Variants in MAP2 observed in about 807,000 individuals in gnomAD.
MAP2 encodes the protein microtubule-associated protein 2.
MAP2 carries 14 observed loss-of-function variants against 137.6 expected under a neutral mutation model. The ratio of observed to expected loss-of-function variants is 0.10; its 90% CI spans 0.07 to 0.16. The LOEUF is 0.16. Ranked by LOEUF, MAP2 falls within the 10% of genes least tolerant of loss-of-function variation. The pLI, the probability that MAP2 is intolerant of heterozygous loss-of-function variation, is 1.00. For missense variants in MAP2, 2,088 were observed against 2,191.5 expected, an observed-to-expected ratio of 0.95 and a Z score of 0.94; for synonymous variants, 786 against 782.3, an observed-to-expected ratio of 1.00 and a Z score of -0.08.
intron 1 of MAP2, among the ~76,000 whole-genome samples, chr2:209,483,029 G>A (rs1431722186): frequency 2.6e-5 from 4 of 152,124 alleles, no homozygotes; most frequent in South Asian, 4.2e-4. Flanking sequence ...TTAACAAAGC[G>A]CTGAGTTTAG....
intron 3 of MAP2, among the ~76,000 whole-genome samples, chr2:209,603,309 G>A (rs945842071): frequency 6.6e-6 from 1 of 152,122 alleles, no homozygotes; most frequent in Admixed American, 6.6e-5. Context: ...TCCCACGAAA[G>A]ATACCTTAGA....
At chr2:209,725,600 T>A (rs1559674588) in intron 13 of MAP2, 109 bp from the exon 14 acceptor site, 2 of 532,806 alleles carry the variant, frequency 3.8e-6, no homozygotes, top group African/African-American at 4.0e-5. Flanking sequence ...GGTTTCTAGC[T>A]ATGTTGTTGC....
At chr2:209,471,067 A>G (rs909329823) in intron 1 of MAP2, among the ~76,000 whole-genome samples, 1 of 152,190 alleles carries the variant, frequency 6.6e-6, no homozygotes, top group African/African-American at 2.4e-5. Flanking sequence ...ATGACTGACA[A>G]GGTTCTGCAT....
intron 5 of MAP2, among the ~76,000 whole-genome samples, chr2:209,676,037 A>G (rs1335037033): frequency 6.6e-6 from 1 of 151,942 alleles, no homozygotes; most frequent in Non-Finnish European, 1.5e-5. Flanking sequence ...CTGTCAAAAA[A>G]AATTCTGTTA....
At chr2:209,510,540 A>G (rs148525859) in intron 2 of MAP2, among the ~76,000 whole-genome samples, 12 of 152,218 alleles carry the variant, frequency 7.9e-5, no homozygotes. Flanking sequence ...CCCCAAAATT[A>G]TATACCAATA....
At chr2:209,682,016 G>A (rs1187832810) in intron 7 of MAP2, among the ~76,000 whole-genome samples, 2 of 152,026 alleles carry the variant, frequency 1.3e-5, no homozygotes, top group African/African-American at 4.8e-5. Context: ...AAACTTTGGG[G>A]ATAATAATCA....
At position 209,576,644 on chromosome 2, in the gene MAP2, T is replaced by A. The variant is rs558539864; in HGVS notation, c.-171-3392T>A. On this transcript the variant is annotated intron_variant, in intron 2 of 15. Transcript: ENST00000682079. Reference sequence around the variant, plus strand: ...GAACCTGTAAAGAGTCTGAAAAATATGTATGTGTGCCATCACAATTGATTG... The same window carrying A: ...GAACCTGTAAAGAGTCTGAAAAATAAGTATGTGTGCCATCACAATTGATTG... Among the ~76,000 whole-genome samples, 4 of 152,302 alleles carry A rather than the reference T, an allele frequency of 2.6e-5. No homozygotes were observed. In the South Asian group the frequency reaches 8.3e-4, roughly 32 times the overall value.
At chr2:209,512,844 C>G (rs2061931670) in intron 2 of MAP2, among the ~76,000 whole-genome samples, 1 of 152,000 alleles carries the variant, frequency 6.6e-6, no homozygotes, top group Non-Finnish European at 1.5e-5. Context: ...CAGACAGGGT[C>G]TCTCTATGTT....
intron 2 of MAP2, among the ~76,000 whole-genome samples, chr2:209,540,310 G>A (rs907979032): frequency 1.3e-5 from 2 of 151,720 alleles, no homozygotes; most frequent in Non-Finnish European, 2.9e-5. Flanking sequence ...ATGCATTTCT[G>A]GATATTGTCT....
chr2:209,495,500 A>G (rs1347639194), intron 1 of MAP2, among the ~76,000 whole-genome samples: 4 of 152,306 alleles, frequency 2.6e-5, no homozygotes, highest in East Asian at 1.9e-4. Flanking sequence ...GCAGTCAGCA[A>G]TCTTTACTGT....
At chr2:209,497,677 C>T (rs1333948421) in intron 1 of MAP2, among the ~76,000 whole-genome samples, 1 of 152,106 alleles carries the variant, frequency 6.6e-6, no homozygotes, top group East Asian at 1.9e-4. Flanking sequence ...GTGGGCACTT[C>T]ATGTAGTCAA....
At position 209,653,126 on chromosome 2, in the gene MAP2, A is replaced by AT. The variant is rs777353640; in HGVS notation, c.-29-10dup. On this transcript the variant is annotated splice_polypyrimidine_tract_variant and intron_variant, in intron 4 of 15. Coordinates refer to ENST00000682079, the MANE Select transcript of MAP2 (RefSeq NM_001375505.1). The stretch of plus-strand genomic sequence containing the variant: ...AGATTTCCCCAAAGTAATAGCTACT[A>AT]TTTTTTCTCTTTCAGTTGCAGGAGA... 1.4e-5 allele frequency: 22 copies of AT among 1,532,496 alleles called. 1 individual carries two copies. The South Asian group carries it at 2.5e-4, about 17-fold the overall frequency. The allele number at this position is 1,532,496 out of a possible 1,614,324, so 94.9% of individuals were successfully genotyped here. A position where few individuals can be genotyped will look rare whatever the true frequency, so the allele number is the denominator to read the frequency against.
intron 3 of MAP2, among the ~76,000 whole-genome samples, chr2:209,598,697 G>A (rs2082105931): frequency 6.6e-6 from 1 of 150,822 alleles, no homozygotes; most frequent in Admixed American, 6.6e-5. Context: ...AATATGTGGT[G>A]TTTGGTTTTT....
At chr2:209,428,183 T>C (rs1693099647) in intron 1 of MAP2, among the ~76,000 whole-genome samples, 1 of 152,222 alleles carries the variant, frequency 6.6e-6, no homozygotes, top group African/African-American at 2.4e-5. Flanking sequence ...GTTCAAGACA[T>C]AAGCTTTCCT....
At chr2:209,599,632 C>G (rs147112263) in intron 3 of MAP2, among the ~76,000 whole-genome samples, 1 of 151,972 alleles carries the variant, frequency 6.6e-6, no homozygotes, top group Non-Finnish European at 1.5e-5. Flanking sequence ...TTTAAAAAAC[C>G]ATTTATTACA....
intron 1 of MAP2, among the ~76,000 whole-genome samples, chr2:209,436,750 C>T (rs72995661): frequency 0.07 from 10,626 of 151,566 alleles, 470 homozygotes; most frequent in Middle Eastern, 0.11. Context: ...GTGTTTGTGA[C>T]GTTGATTTTG....
chr2:209,554,284 G>A (rs1412576267), intron 2 of MAP2, among the ~76,000 whole-genome samples: 1 of 152,190 alleles, frequency 6.6e-6, no homozygotes. Context: ...GTGGTCTCCA[G>A]AAGAAATCCC....
Position 209,729,953 on chromosome 2 carries a change from T to A in MAP2, c.5259T>A (p.Gly1753=). Residue 1753 remains glycine, a synonymous_variant, in exon 15 of 16, where the codon GGT becomes GGA. Transcript: ENST00000682079. The part of the protein sequence containing the change: ...LDNAHHVPGG[G]NVKIDSQKLN... Reference sequence around the variant, plus strand: ...ATGCTCATCATGTACCTGGAGGTGGTAATGTCAAGGTAAGAAACAAGGTTA... The same window carrying A: ...ATGCTCATCATGTACCTGGAGGTGGAAATGTCAAGGTAAGAAACAAGGTTA... 1 of 1,602,014 alleles carries A rather than the reference T, an allele frequency of 6.2e-7. No individual in the cohort carries two copies. The highest frequency in any genetic ancestry group is 8.5e-7 in the Non-Finnish European group (1 of 1,170,318).
Position 209,597,482 on chromosome 2 carries a change from T to C in MAP2, c.-107+17382T>C, listed in dbSNP as rs1330214579. ...ATGTTAGCTCCGTCTCTCATCATCTTGAACTCTAATGACTGCAACAGCTTC... is the reference window on the plus strand; with the variant it reads ...ATGTTAGCTCCGTCTCTCATCATCTCGAACTCTAATGACTGCAACAGCTTC... On this transcript the variant is annotated intron_variant, in intron 3 of 15. Coordinates refer to ENST00000682079, the MANE Select transcript of MAP2 (RefSeq NM_001375505.1). 3.9e-5 allele frequency among the ~76,000 whole-genome samples: 6 copies of C among 152,226 alleles called. No homozygotes were observed. The East Asian group carries it at 1.2e-3, about 29-fold the overall frequency.
Sources: gnomAD v4.1 joint callset for allele counts (sites outside exome capture counted in the v4.1 genomes callset) on GRCh38, gnomAD v4.1.1 for gene constraint, MANE v1.5 for transcripts, NCBI Gene and HGNC (gene_info 2026-07-23, HGNC 2026-07-21) for gene names.